DLGAP2: variants seen among roughly 807,000 people sequenced by gnomAD.
DLGAP2 encodes DLG associated protein 2, also known as disks large-associated protein 2.
A neutral mutation model predicts 100.3 loss-of-function variants in DLGAP2; 26 were observed. The observed-to-expected ratio is 0.26, with a 90% CI of 0.19 to 0.36. The LOEUF is 0.36. Among genes scored for constraint, DLGAP2 ranks in the 10% least tolerant of loss-of-function variants. The pLI is 1.00. For missense variants in DLGAP2, 1,858 were observed against 1,453.2 expected (o/e 1.28, Z -4.53); for synonymous variants, 886 against 630.1 (o/e 1.41, Z -6.08).
intron 6 of DLGAP2, among the ~76,000 whole-genome samples, chr8:1,596,140 G>C (rs1405398239): frequency 1.3e-5 from 2 of 150,908 alleles, no homozygotes; most frequent in African/African-American, 4.9e-5. Flanking sequence ...TTCTGTTCCT[G>C]TGTTAGTTTG....
intron 3 of DLGAP2, among the ~76,000 whole-genome samples, chr8:1,431,869 C>T (rs943592911): frequency 1.2e-4 from 18 of 152,282 alleles, no homozygotes; most frequent in Admixed American, 2.6e-4. Context: ...TGCCGGCACC[C>T]AGCACCCCAT....
intron 3 of DLGAP2, among the ~76,000 whole-genome samples, chr8:1,453,624 C>T (rs1305401284): frequency 3.3e-5 from 5 of 152,142 alleles, no homozygotes; most frequent in African/African-American, 7.2e-5. Context: ...TTGCAAGAAG[C>T]ATAATTCAAC....
At chr8:1,225,903 T>A (rs1467966594) in intron 2 of DLGAP2, among the ~76,000 whole-genome samples, 1 of 152,236 alleles carries the variant, frequency 6.6e-6, no homozygotes, top group Non-Finnish European at 1.5e-5. Context: ...AATGTATGCA[T>A]ATATCAAAAC....
chr8:1,227,046 T>C (rs1015218228), intron 2 of DLGAP2, among the ~76,000 whole-genome samples: 3 of 149,088 alleles, frequency 2.0e-5, no homozygotes, highest in African/African-American at 5.1e-5. Context: ...CTCGGAAATA[T>C]ATCTGCACTC....
At chr8:1,219,445 G>A (rs11778204) in intron 2 of DLGAP2, among the ~76,000 whole-genome samples, 2 of 151,930 alleles carry the variant, frequency 1.3e-5, no homozygotes, top group African/African-American at 2.4e-5. Flanking sequence ...AACCAAACTT[G>A]CATCCAGGAA....
At chr8:996,703 A>G (rs1054604019) in intron 2 of DLGAP2, among the ~76,000 whole-genome samples, 4 of 152,184 alleles carry the variant, frequency 2.6e-5, no homozygotes, top group African/African-American at 9.7e-5. Context: ...CCTCAAGTTA[A>G]TCGTCATCAT....
intron 3 of DLGAP2, among the ~76,000 whole-genome samples, chr8:1,449,914 G>T (rs1249760502): frequency 2.0e-3 from 281 of 142,436 alleles, no homozygotes; most frequent in Middle Eastern, 3.7e-3. Flanking sequence ...TGAAGACGAG[G>T]TGGGCGGCCT....
chr8:825,699 A>G (rs1462586804), intron 1 of DLGAP2, among the ~76,000 whole-genome samples: 1 of 152,066 alleles, frequency 6.6e-6, no homozygotes, highest in African/African-American at 2.4e-5. Flanking sequence ...TTTTTTAAAA[A>G]TTTTTAATTA....
At chr8:1,194,378 C>T (rs1797705902) in intron 2 of DLGAP2, among the ~76,000 whole-genome samples, 1 of 152,056 alleles carries the variant, frequency 6.6e-6, no homozygotes, top group Admixed American at 6.5e-5. Context: ...TGGCGGCCGG[C>T]CCACATAAGG....
At chr8:1,366,987 C>T (rs1201496119) in intron 3 of DLGAP2, among the ~76,000 whole-genome samples, 3 of 151,030 alleles carry the variant, frequency 2.0e-5, no homozygotes, top group African/African-American at 7.3e-5. Flanking sequence ...GACCACAGAC[C>T]CCGGTAAATA....
At chr8:1,028,804 T>A (rs1182643160) in intron 2 of DLGAP2, among the ~76,000 whole-genome samples, 1 of 152,176 alleles carries the variant, frequency 6.6e-6, no homozygotes, top group Non-Finnish European at 1.5e-5. Flanking sequence ...AGTCTTTTGA[T>A]CAGAGTTGCA....
At chr8:1,325,341 G>A (rs999678701) in intron 3 of DLGAP2, among the ~76,000 whole-genome samples, 11 of 152,204 alleles carry the variant, frequency 7.2e-5, no homozygotes, top group African/African-American at 2.7e-4. Flanking sequence ...AAAGCTGCCT[G>A]TGTGTCCAGC....
chr8:854,490 A>AG (rs1797239245), intron 1 of DLGAP2, among the ~76,000 whole-genome samples: 1 of 152,008 alleles, frequency 6.6e-6, no homozygotes, highest in South Asian at 2.1e-4. Flanking sequence ...CTGTAGCAGA[A>AG]GGGGGGAGGT....
chr8:1,417,160 A>AGACCGTCTGAGGCG lies in DLGAP2; in HGVS notation c.107-84205_107-84204insACCGTCTGAGGCGG, dbSNP rs1563133711. Among the ~76,000 whole-genome samples, 7 of 108,314 alleles carry AGACCGTCTGAGGCG rather than the reference A, an allele frequency of 6.5e-5. 2 individuals are homozygous for AGACCGTCTGAGGCG. The highest frequency in any genetic ancestry group is 8.5e-5 in the Admixed American group (1 of 11,790). 71.1% of individuals were successfully genotyped at this position (108,314 alleles called of 152,430 possible). ...CTGAGGCGGGGGAGACTCTGAGTGA[A>AGACCGTCTGAGGCG]GGGGAAGCCCCCGTTCATTTAGTGT... On this transcript the variant is annotated intron_variant, in intron 3 of 14. Transcript: ENST00000637795.
chr8:792,231 C>T (rs1008520460), intron 1 of DLGAP2, among the ~76,000 whole-genome samples: 2 of 152,160 alleles, frequency 1.3e-5, no homozygotes. Context: ...TTTCCATATT[C>T]TTTGCCCATT....
At chr8:1,488,496 C>T (rs1291355944) in intron 3 of DLGAP2, among the ~76,000 whole-genome samples, 4 of 152,178 alleles carry the variant, frequency 2.6e-5, no homozygotes, top group Non-Finnish European at 4.4e-5. Context: ...GCCTGGCCCA[C>T]GTTTCATCTT....
At chr8:1,121,283 C>T (rs549406180) in intron 2 of DLGAP2, among the ~76,000 whole-genome samples, 8 of 150,246 alleles carry the variant, frequency 5.3e-5, no homozygotes, top group South Asian at 2.1e-4. Context: ...CTCCCATCCT[C>T]GTCCAGTTAG....
intron 3 of DLGAP2, among the ~76,000 whole-genome samples, chr8:1,269,718 T>G (rs1742307064): frequency 6.6e-6 from 1 of 152,142 alleles, no homozygotes; most frequent in Non-Finnish European, 1.5e-5. Context: ...CCAGCCAATC[T>G]TGTGATCAGA....
intron 2 of DLGAP2, among the ~76,000 whole-genome samples, chr8:1,250,787 C>T (rs1799021994): frequency 6.6e-6 from 1 of 152,170 alleles, no homozygotes; most frequent in Non-Finnish European, 1.5e-5. Context: ...AACTGTCCTA[C>T]ACACGATTTA....
Sources: allele counts gnomAD v4.1 joint callset (sites outside exome capture counted in the v4.1 genomes callset), GRCh38; gene constraint gnomAD v4.1.1; transcripts MANE v1.5; gene names NCBI Gene and HGNC (gene_info 2026-07-23, HGNC 2026-07-21).